The following RIT2 variants were observed in gnomAD, a reference collection of about 807,000 sequenced individuals.
RIT2 encodes Ras like without CAAX 2.
In RIT2, 24 loss-of-function variants were observed where a neutral mutation model predicts 23.7. The observed-to-expected ratio is 1.01, with a 90% CI of 0.73 to 1.43. The LOEUF (loss-of-function observed/expected upper bound fraction) is 1.43. Ranked by LOEUF, RIT2 falls within the 40% of genes most tolerant of loss-of-function variation. The pLI is 0.00. For missense variants in RIT2, 236 were observed against 266.9 expected (o/e 0.88, Z 0.81); for synonymous variants, 107 against 91.1 (o/e 1.17, Z -0.99).
chr18:42,804,575 A>T (rs1357020654), intron 4 of RIT2, among the ~76,000 whole-genome samples: 3 of 149,906 alleles, frequency 2.0e-5, no homozygotes, highest in East Asian at 1.9e-4. Flanking sequence ...AAAAAAAAAA[A>T]AAAAAAAAAA....
At chr18:42,850,104 T>TGC (rs1446977650) in intron 4 of RIT2, among the ~76,000 whole-genome samples, 1 of 151,834 alleles carries the variant, frequency 6.6e-6, no homozygotes, top group Admixed American at 6.6e-5. Context: ...TGTGTGTGTG[T>TGC]GTGTGTGTGA....
intron 3 of RIT2, among the ~76,000 whole-genome samples, chr18:42,924,061 A>T (rs188429012): frequency 1.3e-4 from 20 of 152,144 alleles, no homozygotes; most frequent in Admixed American, 9.8e-4. Context: ...CCCAGGCTAG[A>T]TATTCTTTAA....
intron 1 of RIT2, among the ~76,000 whole-genome samples, chr18:43,063,292 A>G (rs865824319): frequency 6.6e-6 from 1 of 152,174 alleles, no homozygotes; most frequent in Non-Finnish European, 1.5e-5. Flanking sequence ...CTCACAGCCA[A>G]CCGTCAAAAG....
chr18:42,840,378 C>T (rs1249279687), intron 4 of RIT2, among the ~76,000 whole-genome samples: 1 of 152,162 alleles, frequency 6.6e-6, no homozygotes, highest in Non-Finnish European at 1.5e-5. Context: ...GCAACAAATG[C>T]CATATTTACT....
chr18:42,924,019 T>A (rs1293240978), intron 3 of RIT2, among the ~76,000 whole-genome samples: 6 of 152,060 alleles, frequency 3.9e-5, no homozygotes, highest in African/African-American at 1.4e-4. Flanking sequence ...TGAATCTAAA[T>A]GTTTATACTC....
intron 3 of RIT2, among the ~76,000 whole-genome samples, chr18:42,964,250 T>A (rs979598292): frequency 6.6e-6 from 1 of 151,504 alleles, no homozygotes; most frequent in Admixed American, 6.6e-5. Flanking sequence ...TCAATCAATC[T>A]TCAGGCCTCA....
intron 1 of RIT2, among the ~76,000 whole-genome samples, chr18:43,049,534 A>G (rs745855855): frequency 6.6e-6 from 1 of 152,182 alleles, no homozygotes; most frequent in Non-Finnish European, 1.5e-5. Context: ...CAGCAGAATG[A>G]AGGATAAAAA....
At chr18:42,785,512 T>A (rs752302073) in intron 4 of RIT2, among the ~76,000 whole-genome samples, 3 of 152,060 alleles carry the variant, frequency 2.0e-5, no homozygotes, top group Non-Finnish European at 4.4e-5. Flanking sequence ...ACTGAGAATG[T>A]TTCAAATTAA....
At chr18:42,841,142 A>G (rs1173182076) in intron 4 of RIT2, among the ~76,000 whole-genome samples, 1 of 152,242 alleles carries the variant, frequency 6.6e-6, no homozygotes, top group African/African-American at 2.4e-5. Flanking sequence ...AATGATGTCA[A>G]TGATGTTTCA....
intron 1 of RIT2, among the ~76,000 whole-genome samples, chr18:43,069,018 A>T (rs1296775511): frequency 6.6e-6 from 1 of 152,138 alleles, no homozygotes; most frequent in Non-Finnish European, 1.5e-5. Context: ...AAGGGAACAG[A>T]TTGGTAGTAT....
At chr18:42,896,384 A>G (rs920112330) in intron 4 of RIT2, among the ~76,000 whole-genome samples, 2 of 152,234 alleles carry the variant, frequency 1.3e-5, no homozygotes, top group African/African-American at 4.8e-5. Flanking sequence ...CTTCTCTTGT[A>G]CAGCATGTCT....
intron 2 of RIT2, among the ~76,000 whole-genome samples, chr18:43,031,729 T>C (rs961060668): frequency 6.6e-6 from 1 of 152,088 alleles, no homozygotes; most frequent in African/African-American, 2.4e-5. Context: ...TATATATCTC[T>C]CAATTATTTT....
intron 1 of RIT2, among the ~76,000 whole-genome samples, chr18:43,098,954 G>A (rs1055336053): frequency 6.6e-6 from 1 of 152,018 alleles, no homozygotes; most frequent in African/African-American, 2.4e-5. Flanking sequence ...AAACAGGATG[G>A]CAACATCTGG....
At chr18:43,054,548 T>A (rs1405925038) in intron 1 of RIT2, among the ~76,000 whole-genome samples, 1 of 151,998 alleles carries the variant, frequency 6.6e-6, no homozygotes, top group Non-Finnish European at 1.5e-5. Context: ...ACAAATGATA[T>A]CTGTAAAATA....
intron 3 of RIT2, among the ~76,000 whole-genome samples, chr18:42,959,440 T>A (rs1910047925): frequency 6.6e-6 from 1 of 152,214 alleles, no homozygotes; most frequent in Admixed American, 6.5e-5. Flanking sequence ...AATTCTACAA[T>A]TAAACAGTTA....
At chr18:42,880,804 C>CTTTTTTTTTTTTTT (rs397966126) in intron 4 of RIT2, among the ~76,000 whole-genome samples, 1 of 115,560 alleles carries the variant, frequency 8.7e-6, no homozygotes, top group Non-Finnish European at 1.7e-5. Context: ...CTTCCTACCT[C>CTTTTTTTTTTTTTT]TTTTTTTTTT....
intron 2 of RIT2, among the ~76,000 whole-genome samples, chr18:43,008,746 T>A (rs1911281722): frequency 6.6e-6 from 1 of 151,582 alleles, no homozygotes; most frequent in Non-Finnish European, 1.5e-5. Flanking sequence ...TTAGTATAAA[T>A]CTTTCTATCT....
chr18:42,790,504 G>A (rs949393937), intron 4 of RIT2, among the ~76,000 whole-genome samples: 4 of 152,132 alleles, frequency 2.6e-5, no homozygotes, highest in Non-Finnish European at 5.9e-5. Flanking sequence ...ATGCAGTGGC[G>A]CCATCTCGGC....
At chr18:42,988,192 C>G (rs961403530) in intron 2 of RIT2, among the ~76,000 whole-genome samples, 1 of 151,512 alleles carries the variant, frequency 6.6e-6, no homozygotes, top group African/African-American at 2.4e-5. Flanking sequence ...GTGAGAGAAT[C>G]GAGACAGAAA....
Sources: allele counts gnomAD v4.1 joint callset (sites outside exome capture counted in the v4.1 genomes callset), GRCh38; gene constraint gnomAD v4.1.1; transcripts MANE v1.5; gene names NCBI Gene and HGNC (gene_info 2026-07-23, HGNC 2026-07-21).